The following CTNNA3 variants were observed in gnomAD, a reference collection of about 807,000 sequenced individuals.
The protein encoded by CTNNA3 is catenin alpha 3.
In CTNNA3, 76 loss-of-function variants were observed where a neutral mutation model predicts 95.7. The observed-to-expected ratio is 0.79, with a 90% CI of 0.66 to 0.96. The LOEUF is 0.96. Ranked by LOEUF, CTNNA3 falls within the 40% of genes least tolerant of loss-of-function variation. The pLI, the probability that CTNNA3 is intolerant of heterozygous loss-of-function variation, is 0.00. For missense variants in CTNNA3, 1,191 were observed against 1,089.8 expected (o/e 1.09, Z -1.31); for synonymous variants, 431 against 374.4 (o/e 1.15, Z -1.74).
rs960816100 is a variant in CTNNA3, at chr10:67,759,486, T to C, written c.-2+3948A>G. Among the ~76,000 whole-genome samples the C allele has an allele frequency of 1.3e-4, 20 of 152,194 alleles. 1 individual carries two copies. The highest frequency in any genetic ancestry group is 4.3e-4 in the African/African-American group (18 of 41,454). On this transcript the variant is annotated intron_variant, in intron 1 of 17. Coordinates refer to the CTNNA3 transcript ENST00000684154. The stretch of plus-strand genomic sequence containing the variant: ...GTTACTATGTGTTTTGTGTGAAATT[T>C]TCATAATACAATTGTGTAAAAGAAA...
At chr10:67,654,510 A>C (rs1862687) in intron 1 of CTNNA3, among the ~76,000 whole-genome samples, 18,025 of 149,072 alleles carry the variant, frequency 0.12, 2,020 homozygotes, top group East Asian at 0.43. Flanking sequence ...TTTTGGAGGC[A>C]GGGTCACTCT....
chr10:67,138,016 C>T (rs543709418), intron 7 of CTNNA3, among the ~76,000 whole-genome samples: 56 of 152,048 alleles, frequency 3.7e-4, no homozygotes, highest in South Asian at 8.3e-4. Context: ...ATGCCATCCT[C>T]CAGGCATGGA....
rs79349813 is a variant in CTNNA3 at position 66,367,324 on chromosome 10, A to C, written c.1732+11828T>G. Among the ~76,000 whole-genome samples, 253 of 152,232 alleles carry C rather than the reference A, an allele frequency of 1.7e-3. 6 individuals are homozygous for C. The East Asian group carries it at 0.045, about 27-fold the overall frequency. ...AGCCTTCTTATTGTGGCCAAAAGTC[A>C]GTGTCAGACCTCCAGGTAATCATGG... On this transcript the variant is annotated intron_variant, in intron 12 of 17. Coordinates refer to ENST00000433211, the MANE Select transcript of CTNNA3 (RefSeq NM_013266.4).
At chr10:66,958,385 A>C (rs1848940846) in intron 7 of CTNNA3, among the ~76,000 whole-genome samples, 1 of 151,736 alleles carries the variant, frequency 6.6e-6, no homozygotes, top group Non-Finnish European at 1.5e-5. Flanking sequence ...TATTAATAGA[A>C]AGCAGATTTA....
chr10:67,346,319 A>G (rs1842412478), intron 5 of CTNNA3, among the ~76,000 whole-genome samples: 4 of 152,080 alleles, frequency 2.6e-5, no homozygotes, highest in Admixed American at 2.6e-4. Context: ...ACTATTATCA[A>G]TGAGTTTTGT....
intron 1 of CTNNA3, among the ~76,000 whole-genome samples, chr10:67,753,024 A>G (rs894311744): frequency 1.4e-4 from 22 of 152,150 alleles, no homozygotes; most frequent in African/African-American, 4.6e-4. Context: ...GACAATCCTA[A>G]GCAAAAAGAA....
At chr10:66,330,837 T>C (rs1373161242) in intron 12 of CTNNA3, among the ~76,000 whole-genome samples, 1 of 83,842 alleles carries the variant, frequency 1.2e-5, no homozygotes, top group Non-Finnish European at 3.7e-5. Flanking sequence ...ATGAGCATTT[T>C]TTCATGTGTT....
intron 7 of CTNNA3, among the ~76,000 whole-genome samples, chr10:66,903,422 T>G (rs533173288): frequency 6.6e-6 from 1 of 152,170 alleles, no homozygotes; most frequent in Admixed American, 6.5e-5. Context: ...GCCAATATCA[T>G]ACCGAATGGA....
chr10:67,358,779 G>C (rs1842902460), intron 5 of CTNNA3, among the ~76,000 whole-genome samples: 1 of 152,082 alleles, frequency 6.6e-6, no homozygotes, highest in East Asian at 1.9e-4. Flanking sequence ...TCCCCCAAAA[G>C]AGAAGGAGGT....
At chr10:67,418,364 T>C (rs1845617011) in intron 5 of CTNNA3, among the ~76,000 whole-genome samples, 1 of 152,122 alleles carries the variant, frequency 6.6e-6, no homozygotes, top group African/African-American at 2.4e-5. Context: ...TGGGTACATA[T>C]AACTTTTTGT....
chr10:66,418,002 A>G (rs1377024300), intron 11 of CTNNA3, among the ~76,000 whole-genome samples: 1 of 151,884 alleles, frequency 6.6e-6, no homozygotes, highest in African/African-American at 2.4e-5. Flanking sequence ...GAGGCAAGAA[A>G]TAATAAAGAT....
At chr10:66,072,592 C>A (rs1315587445) in intron 14 of CTNNA3, among the ~76,000 whole-genome samples, 1 of 151,912 alleles carries the variant, frequency 6.6e-6, no homozygotes, top group Non-Finnish European at 1.5e-5. Flanking sequence ...CTATAGGCGC[C>A]CACTACTGTG....
In CTNNA3 at chr10:67,324,554, C is replaced by T. The variant is rs576404933; in HGVS notation, c.580-104684G>A. 6.6e-5 allele frequency among the ~76,000 whole-genome samples: 10 copies of T among 152,180 alleles called. 1 individual carries two copies. The South Asian group carries it at 2.1e-3, about 32-fold the overall frequency. On this transcript the variant is annotated intron_variant, in intron 5 of 17. Coordinates refer to ENST00000433211, the MANE Select transcript of CTNNA3 (RefSeq NM_013266.4). ...TGAATCACATTTATTGATTTGCATA[C>T]ATTGAACCAACCTTGCATTCTAGGG...
rs544683297 is a variant in CTNNA3, at chr10:67,309,497, T to C, written c.580-89627A>G. ...CATGGATGAGAAGCCTGGGAGACAATAGAAGAGGCACAAAGAGAGAAATGA... is the reference window on the plus strand; with the variant it reads ...CATGGATGAGAAGCCTGGGAGACAACAGAAGAGGCACAAAGAGAGAAATGA... On this transcript the variant is annotated intron_variant, in intron 5 of 17. Coordinates refer to ENST00000433211, the MANE Select transcript of CTNNA3 (RefSeq NM_013266.4). 4.6e-5 allele frequency among the ~76,000 whole-genome samples: 7 copies of C among 152,168 alleles called. No homozygotes were observed. In the South Asian group the frequency reaches 6.2e-4, roughly 14 times the overall value.
chr10:67,589,121 C>G (rs1472901557), intron 3 of CTNNA3, among the ~76,000 whole-genome samples: 2 of 151,968 alleles, frequency 1.3e-5, no homozygotes, highest in Non-Finnish European at 1.5e-5. Flanking sequence ...TAATACTTAT[C>G]TGTATTCATA....
chr10:66,929,026 G>A (rs1847227419), intron 7 of CTNNA3, among the ~76,000 whole-genome samples: 1 of 152,198 alleles, frequency 6.6e-6, no homozygotes. Flanking sequence ...GCAGCACCCT[G>A]AGCAGTTTCC....
chr10:67,256,484 C>A (rs1313050849), intron 5 of CTNNA3, among the ~76,000 whole-genome samples: 1 of 152,058 alleles, frequency 6.6e-6, no homozygotes, highest in Non-Finnish European at 1.5e-5. Context: ...GCTTCAGCTC[C>A]TTTTTGCATA....
At chr10:66,336,371 T>C (rs1226141697) in intron 12 of CTNNA3, among the ~76,000 whole-genome samples, 1 of 152,062 alleles carries the variant, frequency 6.6e-6, no homozygotes, top group African/African-American at 2.4e-5. Context: ...CCATCTTAGC[T>C]CCACCCCCAG....
intron 5 of CTNNA3, among the ~76,000 whole-genome samples, chr10:67,360,616 C>G (rs1272421510): frequency 6.6e-6 from 1 of 152,014 alleles, no homozygotes; most frequent in Non-Finnish European, 1.5e-5. Context: ...ACAGACTATA[C>G]GGGAAGCATA....
Sources: gnomAD v4.1 joint callset for allele counts (sites outside exome capture counted in the v4.1 genomes callset) on GRCh38, gnomAD v4.1.1 for gene constraint, MANE v1.5 for transcripts, NCBI Gene and HGNC (gene_info 2026-07-23, HGNC 2026-07-21) for gene names.